Variants in CCDC197 observed in about 807,000 individuals in gnomAD.
The protein encoded by CCDC197 is coiled-coil domain containing 197.
A neutral mutation model predicts 13.4 loss-of-function variants in CCDC197; 24 were observed. The ratio of observed to expected loss-of-function variants is 1.80; its 90% CI spans 1.30 to 2.53. The LOEUF is 2.53. Ranked by LOEUF, CCDC197 falls within the 30% of genes most tolerant of loss-of-function variation. The pLI, the probability that CCDC197 is intolerant of heterozygous loss-of-function variation, is 0.00. For synonymous variants in CCDC197, 99 were observed against 55.5 expected, an observed-to-expected ratio of 1.78 and a Z score of -3.48; for missense variants, 255 against 148.8, an observed-to-expected ratio of 1.71 and a Z score of -3.71.
chr14:94,006,271 TCATGTGCTTATTGGC>T (rs1315140525), intron 6 of CCDC197, among the ~76,000 whole-genome samples: 2 of 152,256 alleles, frequency 1.3e-5, no homozygotes, highest in African/African-American at 2.4e-5. Flanking sequence ...GAGTATCTTT[TCATGTGCTTATTGGC>T]CATGTGTATC....
At chr14:93,990,006 A>G (rs981152640) in intron 1 of CCDC197, among the ~76,000 whole-genome samples, 7 of 152,192 alleles carry the variant, frequency 4.6e-5, no homozygotes, top group African/African-American at 7.2e-5. Context: ...CATCTCAGCA[A>G]TGAGAACCTC....
chr14:93,994,940 T>A (rs1280224745), upstream of CCDC197, among the ~76,000 whole-genome samples: 1 of 152,202 alleles, frequency 6.6e-6, no homozygotes, highest in Non-Finnish European at 1.5e-5. Flanking sequence ...ACCTCCCAGA[T>A]GGTTCTGGAT....
upstream of CCDC197, among the ~76,000 whole-genome samples, chr14:93,996,794 C>A (rs1890326326): frequency 6.6e-6 from 1 of 152,202 alleles, no homozygotes; most frequent in South Asian, 2.1e-4. Flanking sequence ...GCCCTCCCCA[C>A]CCCACCTTCC....
chr14:93,996,021 C>A (rs1890289213), upstream of CCDC197, among the ~76,000 whole-genome samples: 2 of 152,242 alleles, frequency 1.3e-5, no homozygotes, highest in Admixed American at 1.3e-4. Flanking sequence ...CCTGCCATTC[C>A]TTCTGCCAGA....
upstream of CCDC197, among the ~76,000 whole-genome samples, chr14:93,996,335 G>A (rs938427481): frequency 4.6e-5 from 7 of 152,204 alleles, no homozygotes; most frequent in Admixed American, 3.9e-4. Flanking sequence ...GGACTCCTGG[G>A]CTGGCTGGGG....
In CCDC197 at chr14:94,004,966, A is replaced by T. The variant is rs549153032; in HGVS notation, c.610A>T (p.Ile204Phe). 787 of 702,628 alleles carry T rather than the reference A, an allele frequency of 1.1e-3. No individual in the cohort carries two copies. The highest frequency in any genetic ancestry group is 1.8e-3 in the Non-Finnish European group (697 of 384,844). The allele number at this position is 702,628 out of a possible 1,614,324, so 43.5% of individuals were successfully genotyped here. A position where few individuals can be genotyped will look rare whatever the true frequency, so the allele number is the denominator to read the frequency against. Residue 204 changes from isoleucine to phenylalanine, a missense_variant, in exon 6 of 7, where the codon ATT becomes TTT. Transcript: ENST00000636493. The stretch of plus-strand genomic sequence containing the variant: ...GGATCTCTTCTCCAAGCTCGATCTG[A>T]TTAAGGTAAGGATAGACAGATGGCT... The part of the protein sequence containing the change: ...SMDLFSKLDL[I>F]KEFMLDKMET...
upstream of CCDC197, among the ~76,000 whole-genome samples, chr14:93,993,746 T>C (rs2141341492): frequency 6.6e-6 from 1 of 152,318 alleles, no homozygotes; most frequent in East Asian, 1.9e-4. Context: ...AAAGGGGTCC[T>C]ATTGCCATTT....
rs1342695285 is a variant in CCDC197 at position 93,998,180 on chromosome 14, G to A, written c.49G>A (p.Asp17Asn). The change falls in exon 2 of 7, where the codon GAC (aspartate) becomes AAC (asparagine). Residue 17 changes from aspartate to asparagine, a missense_variant. Coordinates refer to ENST00000636493, the MANE Select transcript of CCDC197 (RefSeq NM_001351596.2). ...GQRADPSNPG[D>N]KEGDLQGLWQ... ...GAGAGCTGACCCAAGCAATCCTGGT[G>A]ACAAGGAAGGGGACCTTCAAGGGCT... The A allele has an allele frequency of 1.3e-6, 1 of 780,826 alleles. No homozygotes were observed. The highest frequency in any genetic ancestry group is 2.4e-5 in the East Asian group (1 of 41,246). The allele number at this position is 780,826 out of a possible 1,614,324, so 48.4% of individuals were successfully genotyped here. A position where few individuals can be genotyped will look rare whatever the true frequency, so the allele number is the denominator to read the frequency against.
upstream of CCDC197, among the ~76,000 whole-genome samples, chr14:93,996,456 A>G (rs904409087): frequency 2.0e-5 from 3 of 148,906 alleles, no homozygotes; most frequent in African/African-American, 7.8e-5. Flanking sequence ...TTTGATCCAG[A>G]TCTTGCTCCA....
chr14:93,996,294 C>T (rs1345048617), upstream of CCDC197, among the ~76,000 whole-genome samples: 1 of 148,600 alleles, frequency 6.7e-6, no homozygotes, highest in Non-Finnish European at 1.5e-5. Context: ...GGCTCTAGGA[C>T]CATGGAGAGG....
chr14:94,011,264 C>T (rs749275388), downstream of CCDC197, among the ~76,000 whole-genome samples: 4 of 152,304 alleles, frequency 2.6e-5, 1 homozygote, highest in East Asian at 1.9e-4. Flanking sequence ...ACTGTGCCTT[C>T]GAGGGCTCTA....
chr14:93,998,217 T>A lies in CCDC197; in HGVS notation c.86T>A (p.Leu29His), dbSNP rs768345366. 2 of 780,230 alleles carry A rather than the reference T, an allele frequency of 2.6e-6. No homozygotes were observed. Among genetic ancestry groups the A allele is most frequent in the African/African-American group, 3.4e-5 (2 of 59,118 alleles). 48.3% of individuals were successfully genotyped at this position (780,230 alleles called of 1,614,324 possible). The part of the protein sequence containing the change: ...EGDLQGLWQE[L>H]YQLQAKQKKL... ...GACCTTCAAGGGCTGTGGCAGGAACTCTACCAGCTCCAGGCTAAGTATGTG... is the reference window on the plus strand; with the variant it reads ...GACCTTCAAGGGCTGTGGCAGGAACACTACCAGCTCCAGGCTAAGTATGTG... Residue 29 changes from leucine (L) to histidine (H), a missense_variant, in exon 2 of 7, where the codon CTC (leucine) becomes CAC (histidine). Transcript: ENST00000636493.
chr14:94,003,391 G>T lies in CCDC197; in HGVS notation c.498+37G>T. On this transcript the variant is annotated intron_variant, in intron 5 of 6. Coordinates refer to ENST00000636493, the MANE Select transcript of CCDC197 (RefSeq NM_001351596.2). The surrounding 1 kb of genome is among the most constrained non-coding windows in gnomAD (Gnocchi z 5.0). ...CTTTCAGCCTGGGGGTGGGGTTAGG[G>T]GTGGGGAAGGGGAAGCTGATGTCTC... 1.4e-6 allele frequency: 1 copy of T among 698,290 alleles called. No individual in the cohort carries two copies. Among genetic ancestry groups the T allele is most frequent in the Non-Finnish European group, 2.7e-6 (1 of 377,274 alleles). The allele number at this position is 698,290 out of a possible 1,614,324, so 43.3% of individuals were successfully genotyped here.
chr14:93,993,278 TC>T (rs1890238334), upstream of CCDC197, among the ~76,000 whole-genome samples: 1 of 152,166 alleles, frequency 6.6e-6, no homozygotes, highest in Admixed American at 6.5e-5. Context: ...GAACAGATAC[TC>T]TCTTAAAGAG....
chr14:93,995,145 G>T (rs939856272), upstream of CCDC197, among the ~76,000 whole-genome samples: 1 of 152,086 alleles, frequency 6.6e-6, no homozygotes, highest in Non-Finnish European at 1.5e-5. Flanking sequence ...CAGCCTCACC[G>T]CCACTCTGAG....
At chr14:93,994,795 C>T (rs577175221), upstream of CCDC197, among the ~76,000 whole-genome samples, 206 of 152,236 alleles carry the variant, frequency 1.4e-3, 1 homozygote, top group African/African-American at 4.4e-3. Context: ...CATCTGCTTC[C>T]GGCCAGAGGA....
chr14:94,006,250 C>T lies in CCDC197; in HGVS notation c.615+1279C>T, dbSNP rs1380037983. Among the ~76,000 whole-genome samples the T allele has an allele frequency of 2.6e-5, 4 of 152,144 alleles. No homozygotes were observed. The East Asian group carries it at 7.7e-4, about 29-fold the overall frequency. ...GTTTTGATTTGCACTTCTCTGATGA[C>T]TAATGATGTTGAGTATCTTTTCATG... On this transcript the variant is annotated intron_variant, in intron 6 of 6. Coordinates refer to ENST00000636493, the MANE Select transcript of CCDC197 (RefSeq NM_001351596.2).
chr14:93,996,512 T>C (rs1269685915), upstream of CCDC197, among the ~76,000 whole-genome samples: 2 of 150,342 alleles, frequency 1.3e-5, no homozygotes, highest in African/African-American at 4.9e-5. Context: ...CAGCCCTTGC[T>C]CTGCCCCTGC....
At chr14:94,009,443 G>C (rs996460405), downstream of CCDC197, among the ~76,000 whole-genome samples, 3 of 152,130 alleles carry the variant, frequency 2.0e-5, no homozygotes, top group Non-Finnish European at 4.4e-5. Flanking sequence ...AATTGGGAGA[G>C]AGTGTCGGAC....
Sources: allele counts gnomAD v4.1 joint callset (sites outside exome capture counted in the v4.1 genomes callset), GRCh38; gene constraint gnomAD v4.1.1; non-coding constraint Gnocchi (gnomAD v3.1); transcripts MANE v1.5; gene names NCBI Gene and HGNC (gene_info 2026-07-23, HGNC 2026-07-21).